Variants in RPGR observed in about 807,000 individuals in gnomAD.
RPGR encodes the protein X-linked retinitis pigmentosa GTPase regulator.
A neutral mutation model predicts 56.3 loss-of-function variants in RPGR; 10 were observed. The observed-to-expected ratio is 0.18, with a 90% CI of 0.11 to 0.30. RPGR has a LOEUF of 0.30. Ranked by LOEUF, RPGR falls within the 10% of genes least tolerant of loss-of-function variation. RPGR has a pLI of 1.00. For synonymous variants in RPGR, 197 were observed against 212.9 expected (o/e 0.93, Z 0.65); for missense variants, 538 against 590.9 (o/e 0.91, Z 0.93).
intron 7 of RPGR, among the ~76,000 whole-genome samples, chrX:38,306,568 T>C (rs2067604877): frequency 8.9e-6 from 1 of 112,329 alleles, no homozygotes; most frequent in African/African-American, 3.2e-5. Context: ...ATTGAGGCAA[T>C]GGCAAAACAG....
intron 16 of RPGR, chrX:38,276,520 C>G: frequency 9.2e-7 from 1 of 1,085,314 alleles, no homozygotes; most frequent in Non-Finnish European, 1.3e-6. Flanking sequence ...AATCTGTCCT[C>G]TGCAGAAACT....
intron 6 of RPGR, 175 bp downstream of exon 6, chrX:38,317,141 G>A (rs775098868): frequency 2.2e-6 from 1 of 455,134 alleles, no homozygotes; most frequent in Non-Finnish European, 3.8e-6. Flanking sequence ...TTGAAATTAT[G>A]AACTCTTATT....
At chrX:38,298,355 G>T (rs1450582770) in intron 10 of RPGR, 7 of 318,252 alleles carry the variant, frequency 2.2e-5, no homozygotes, top group South Asian at 2.0e-4. Context: ...TTAATTGAGA[G>T]AATATTTCCT....
chrX:38,298,856 TGAG>T (rs1478454006), intron 10 of RPGR, 97 bp downstream of exon 10: 1 of 905,146 alleles, frequency 1.1e-6, no homozygotes, highest in Non-Finnish European at 1.6e-6. Flanking sequence ...CAAATTTATC[TGAG>T]AAGACCCTTT....
At chrX:38,274,872 T>C (rs1336814941) in intron 17 of RPGR, among the ~76,000 whole-genome samples, 1 of 112,158 alleles carries the variant, frequency 8.9e-6, no homozygotes, top group Non-Finnish European at 1.9e-5. Flanking sequence ...AATAATGCAA[T>C]ATTTGTATGT....
At chrX:38,289,830 G>A (rs1360000070) in intron 13 of RPGR, among the ~76,000 whole-genome samples, 3 of 112,185 alleles carry the variant, frequency 2.7e-5, no homozygotes, top group East Asian at 5.6e-4. Context: ...AGCCCTAAGA[G>A]AGGAAGGCCC....
intron 6 of RPGR, among the ~76,000 whole-genome samples, chrX:38,316,878 T>A (rs1249927952): frequency 8.9e-6 from 1 of 111,927 alleles, no homozygotes; most frequent in African/African-American, 3.2e-5. Context: ...TCTAGGTGTT[T>A]TTACTGTTGA....
chrX:38,327,308 G>T, intron 1 of RPGR, 32 bp downstream of exon 1: 1 of 1,171,639 alleles, frequency 8.5e-7, no homozygotes. Context: ...CCTCCCTCCC[G>T]GCCTTCCGCC....
chrX:38,285,923 C>T lies in RPGR; in HGVS notation c.1905+1171G>A, dbSNP rs1601918159. 9 of 1,117,550 alleles carry T rather than the reference C, an allele frequency of 8.1e-6. No homozygotes were observed. The highest frequency in any genetic ancestry group is 1.1e-5 in the Non-Finnish European group (9 of 835,141). The allele number at this position is 1,117,550 out of a possible 1,213,427, so 92.1% of individuals were successfully genotyped here. A position where few individuals can be genotyped will look rare whatever the true frequency, so the allele number is the denominator to read the frequency against. On this transcript the variant is annotated intron_variant, in intron 15 of 18. Coordinates refer to ENST00000642395, the MANE Select transcript of RPGR (RefSeq NM_000328.3). The stretch of plus-strand genomic sequence containing the variant: ...CCTTCCCCCTCTCCTTCCTCCCCTT[C>T]CACCTCCCCTTCCACTTCCCCTTCC...
chrX:38,311,438 T>C (rs2067716473), intron 6 of RPGR, among the ~76,000 whole-genome samples: 1 of 111,794 alleles, frequency 8.9e-6, no homozygotes, highest in South Asian at 3.7e-4. Flanking sequence ...TTCTATAAAG[T>C]AGAATTTAAA....
chrX:38,283,218 A>G (rs1006051611), intron 15 of RPGR, among the ~76,000 whole-genome samples: 2 of 111,865 alleles, frequency 1.8e-5, no homozygotes, highest in African/African-American at 6.5e-5. Context: ...ACATGTGATT[A>G]AATAAATGTT....
At chrX:38,306,106 C>A (rs930689429) in intron 7 of RPGR, among the ~76,000 whole-genome samples, 1 of 111,908 alleles carries the variant, frequency 8.9e-6, no homozygotes, top group Non-Finnish European at 1.9e-5. Context: ...CATTAGGAAG[C>A]GCAGTGTCGA....
At chrX:38,281,369 C>T (rs1569232606) in intron 15 of RPGR, among the ~76,000 whole-genome samples, 1 of 112,448 alleles carries the variant, frequency 8.9e-6, no homozygotes, top group Non-Finnish European at 1.9e-5. Flanking sequence ...TTTCAACACA[C>T]TTTAAATATT....
chrX:38,297,223 T>A (rs2067400786), intron 11 of RPGR, 61 bp downstream of exon 11: 1 of 1,102,055 alleles, frequency 9.1e-7, no homozygotes, highest in Non-Finnish European at 1.3e-6. Context: ...AAGATAAACA[T>A]AAAAACTACA....
intron 5 of RPGR, among the ~76,000 whole-genome samples, 185 bp downstream of exon 5, chrX:38,318,644 G>A (rs910448092): frequency 3.6e-5 from 4 of 111,506 alleles, no homozygotes; most frequent in African/African-American, 1.3e-4. Context: ...CATAAAATAA[G>A]CATAAATAAG....
chrX:38,269,565 A>G lies in RPGR; in HGVS notation c.*61T>C. 4.7e-6 allele frequency: 4 copies of G among 855,817 alleles called. No individual in the cohort carries two copies. The highest frequency in any genetic ancestry group is 6.8e-6 in the Non-Finnish European group (4 of 588,894). 70.5% of individuals were successfully genotyped at this position (855,817 alleles called of 1,213,427 possible). A position where few individuals can be genotyped will look rare whatever the true frequency, so the allele number is the denominator to read the frequency against. ...TATCAGAAACTTTACTTCATAAGTT[A>G]TAACATTTTTCAAGTATACATTACA... On this transcript the variant is annotated 3_prime_UTR_variant, in exon 19 of 19. Coordinates refer to ENST00000642395, the MANE Select transcript of RPGR (RefSeq NM_000328.3).
chrX:38,295,406 G>C (rs1374763132), intron 11 of RPGR, among the ~76,000 whole-genome samples: 3 of 112,333 alleles, frequency 2.7e-5, no homozygotes, highest in African/African-American at 9.7e-5. Flanking sequence ...TTTCTTAAGA[G>C]AGTGTTAGCA....
chrX:38,291,341 A>G, intron 12 of RPGR, 52 bp downstream of exon 12: 1 of 749,181 alleles, frequency 1.3e-6, no homozygotes, highest in Non-Finnish European at 2.1e-6. Context: ...TCACATACAC[A>G]ATGAACTAAA....
rs1569262439 is a variant in RPGR at position 38,323,543 on chromosome X, CTTTAT to C, written c.29-24_29-20del. The C allele has an allele frequency of 8.3e-7, 1 of 1,204,018 alleles. No homozygotes were observed. Among genetic ancestry groups the C allele is most frequent in the East Asian group, 3.0e-5 (1 of 33,651 alleles). On this transcript the variant is annotated intron_variant, in intron 1 of 18. Coordinates refer to ENST00000642395, the MANE Select transcript of RPGR (RefSeq NM_000328.3). ...CCCGAATCTGCAAATATAAGACGGT[CTTTAT>C]TTTATAACTTTTACTATGTTGCCTG...
Sources: allele counts gnomAD v4.1 joint callset (sites outside exome capture counted in the v4.1 genomes callset), GRCh38; gene constraint gnomAD v4.1.1; transcripts MANE v1.5; gene names NCBI Gene and HGNC (gene_info 2026-07-23, HGNC 2026-07-21).